TNFAIP8L1: variants seen among roughly 807,000 people sequenced by gnomAD.
TNFAIP8L1 encodes the protein TNF alpha induced protein 8 like 1.
For missense variants in TNFAIP8L1, 225 were observed against 266.1 expected (o/e 0.85, Z 1.08); for synonymous variants, 127 against 125.6 (o/e 1.01, Z -0.08).
Position 4,652,456 on chromosome 19 carries a change from C to T in TNFAIP8L1, c.*26C>T. 2 of 1,483,544 alleles carry T rather than the reference C, an allele frequency of 1.3e-6. No homozygotes were observed. The highest frequency in any genetic ancestry group is 1.8e-6 in the Non-Finnish European group (2 of 1,114,506). 91.9% of individuals were successfully genotyped at this position (1,483,544 alleles called of 1,614,324 possible). A position where few individuals can be genotyped will look rare whatever the true frequency, so the allele number is the denominator to read the frequency against. On this transcript the variant is annotated 3_prime_UTR_variant, in exon 2 of 2. Transcript: ENST00000327473. Reference sequence around the variant, plus strand: ...ACCCCGGCGCCGCCCAACCGCGCCCCTCGCGCCTTTTGGGGCTCTCCTGCT... The same window carrying T: ...ACCCCGGCGCCGCCCAACCGCGCCCTTCGCGCCTTTTGGGGCTCTCCTGCT...
rs1209882631 is a variant in TNFAIP8L1, at chr19:4,641,658, G to A, written c.-4+2029G>A. The A allele has an allele frequency of 6.6e-6, 1 of 152,176 alleles. No homozygotes were observed. The highest frequency in any genetic ancestry group is 2.4e-5 in the African/African-American group (1 of 41,420). 9.4% of individuals were successfully genotyped at this position (152,176 alleles called of 1,614,324 possible). A position where few individuals can be genotyped will look rare whatever the true frequency, so the allele number is the denominator to read the frequency against. On this transcript the variant is annotated intron_variant, in intron 1 of 1. Coordinates refer to ENST00000327473, the MANE Select transcript of TNFAIP8L1 (RefSeq NM_152362.3). This position sits in a 1 kb window ranked among gnomAD's most constrained non-coding sequence, Gnocchi z 4.6. The stretch of plus-strand genomic sequence containing the variant: ...CTTGTGGGGCTGAGATAACTGTGGG[G>A]AGGGAGGGTGCTTTGAGGGGTGGGG...
intron 1 of TNFAIP8L1, among the ~76,000 whole-genome samples, chr19:4,646,424 G>A (rs1023756651): frequency 1.3e-4 from 20 of 151,676 alleles, no homozygotes; most frequent in Non-Finnish European, 2.8e-4. Flanking sequence ...ACCGCACCTG[G>A]CCAATCATTG....
intron 1 of TNFAIP8L1, among the ~76,000 whole-genome samples, chr19:4,646,787 C>T (rs1362044820): frequency 6.6e-6 from 1 of 152,078 alleles, no homozygotes; most frequent in African/African-American, 2.4e-5. Context: ...CCCGCCACCG[C>T]GCCCCGCTAA....
chr19:4,646,800 T>C (rs1234528711), intron 1 of TNFAIP8L1, among the ~76,000 whole-genome samples: 1 of 152,076 alleles, frequency 6.6e-6, no homozygotes, highest in South Asian at 2.1e-4. Flanking sequence ...CCCGCTAATT[T>C]TTTGTATTTT....
At chr19:4,644,037 A>G (rs566487938) in intron 1 of TNFAIP8L1, among the ~76,000 whole-genome samples, 2 of 152,026 alleles carry the variant, frequency 1.3e-5, no homozygotes, top group South Asian at 4.2e-4. Context: ...CCTGACCAAC[A>G]TGGAGAAAAC....
intron 1 of TNFAIP8L1, among the ~76,000 whole-genome samples, chr19:4,644,098 G>A (rs1197132722): frequency 6.6e-6 from 1 of 152,060 alleles, no homozygotes; most frequent in Admixed American, 6.6e-5. Context: ...GCGCATGCCT[G>A]TAATCCCAGC....
Position 4,641,735 on chromosome 19 carries a change from G to C in TNFAIP8L1, c.-4+2106G>C, listed in dbSNP as rs2088263155. The C allele has an allele frequency of 6.6e-6, 1 of 152,220 alleles. No individual in the cohort carries two copies. The highest frequency in any genetic ancestry group is 1.5e-5 in the Non-Finnish European group (1 of 68,058). The allele number at this position is 152,220 out of a possible 1,614,324, so 9.4% of individuals were successfully genotyped here. A position where few individuals can be genotyped will look rare whatever the true frequency, so the allele number is the denominator to read the frequency against. On this transcript the variant is annotated intron_variant, in intron 1 of 1. Transcript: ENST00000327473. This position sits in a 1 kb window ranked among gnomAD's most constrained non-coding sequence, Gnocchi z 4.6. ...CCCGAGGAGGGGATTACAGGACACA[G>C]TACTTCTAGAAGCTTCCTAAGGCTT...
rs910091276 is a variant in TNFAIP8L1, at chr19:4,641,348, C to T, written c.-4+1719C>T. On this transcript the variant is annotated intron_variant, in intron 1 of 1. Coordinates refer to ENST00000327473, the MANE Select transcript of TNFAIP8L1 (RefSeq NM_152362.3). This position sits in a 1 kb window ranked among gnomAD's most constrained non-coding sequence, Gnocchi z 4.6. ...CAGGGGAACACTCCTCCCAGAGAGA[C>T]GTCAACGCTAAAAAATGACTCACAC... 5.9e-5 allele frequency: 9 copies of T among 152,112 alleles called. No homozygotes were observed. Among genetic ancestry groups the T allele is most frequent in the African/African-American group, 2.2e-4 (9 of 41,398 alleles). The allele number at this position is 152,112 out of a possible 1,614,324, so 9.4% of individuals were successfully genotyped here.
intron 1 of TNFAIP8L1, among the ~76,000 whole-genome samples, chr19:4,646,057 A>G (rs1599825365): frequency 1.3e-5 from 2 of 152,130 alleles, no homozygotes; most frequent in East Asian, 1.9e-4. Flanking sequence ...CCTGAACTTC[A>G]TCCCCCACCC....
At chr19:4,647,169 C>T (rs2088319582) in intron 1 of TNFAIP8L1, among the ~76,000 whole-genome samples, 1 of 152,178 alleles carries the variant, frequency 6.6e-6, no homozygotes, top group Non-Finnish European at 1.5e-5. Context: ...CTGGGTCACG[C>T]CGCTGTAAAC....
intron 1 of TNFAIP8L1, among the ~76,000 whole-genome samples, chr19:4,643,027 C>T (rs372236006): frequency 1.3e-5 from 2 of 151,874 alleles, no homozygotes; most frequent in Non-Finnish European, 2.9e-5. Context: ...TCATGTAATC[C>T]CAGCACTTTG....
At chr19:4,648,990 T>C (rs951249909) in intron 1 of TNFAIP8L1, among the ~76,000 whole-genome samples, 2 of 146,082 alleles carry the variant, frequency 1.4e-5, no homozygotes, top group African/African-American at 2.6e-5. Flanking sequence ...AGTCCAGTGG[T>C]GTGATCTCAG....
chr19:4,651,399 C>T (rs1036959016), intron 1 of TNFAIP8L1, among the ~76,000 whole-genome samples: 1 of 151,726 alleles, frequency 6.6e-6, no homozygotes, highest in Non-Finnish European at 1.5e-5. Flanking sequence ...AGGCTGGTCT[C>T]AAACTCCTGG....
chr19:4,645,650 G>T lies in TNFAIP8L1; in HGVS notation c.-4+6021G>T, dbSNP rs1315402593. Among the ~76,000 whole-genome samples the T allele has an allele frequency of 2.0e-5, 3 of 151,382 alleles. No homozygotes were observed. The highest frequency in any genetic ancestry group is 7.3e-5 in the African/African-American group (3 of 41,172). ...ATAAAGTACATTTAAGCCAGGGGTG[G>T]TAGCTCACACCTGTAGTCCCAGCAC... On this transcript the variant is annotated intron_variant, in intron 1 of 1. Transcript: ENST00000327473. The surrounding 1 kb of genome is among the most constrained non-coding windows in gnomAD (Gnocchi z 4.1).
chr19:4,650,466 C>T (rs2088351328), intron 1 of TNFAIP8L1, among the ~76,000 whole-genome samples: 1 of 151,960 alleles, frequency 6.6e-6, no homozygotes, highest in African/African-American at 2.4e-5. Context: ...GGGCTATGCC[C>T]TACTCTGAGA....
intron 1 of TNFAIP8L1, among the ~76,000 whole-genome samples, chr19:4,648,719 C>T (rs8108482): frequency 0.02 from 3,044 of 152,230 alleles, 108 homozygotes; most frequent in African/African-American, 0.07. Context: ...CAAGGCCCAG[C>T]GAGGGGCACA....
rs998726941 is a variant in TNFAIP8L1 at position 4,652,258 on chromosome 19, C to T, written c.389C>T (p.Ala130Val). 2 of 1,560,348 alleles carry T rather than the reference C, an allele frequency of 1.3e-6. No individual in the cohort carries two copies. Among genetic ancestry groups the T allele is most frequent in the Non-Finnish European group, 1.7e-6 (2 of 1,156,436 alleles). ...GAGTGCCGCGACCTGCTGCACCAGG[C>T]CGTGGGTCCCCACCTGACCGCCAAG... ...LLECRDLLHQAVGPHLTAKSH... is the reference protein window; with the variant it reads ...LLECRDLLHQVVGPHLTAKSH... The change falls in exon 2 of 2, where the codon GCC becomes GTC. Residue 130 changes from alanine to valine, a missense_variant. By Grantham distance (64) the Ala-to-Val change is moderately conservative (BLOSUM62 0). Transcript: ENST00000327473.
intron 1 of TNFAIP8L1, chr19:4,640,330 T>A (rs1467706414): frequency 1.3e-5 from 2 of 152,284 alleles, no homozygotes; most frequent in African/African-American, 4.8e-5. Context: ...TTTCTCTGCA[T>A]CCTCACATTT....
chr19:4,652,322 C>G lies in TNFAIP8L1; in HGVS notation c.453C>G (p.Ala151=). The G allele has an allele frequency of 1.3e-6, 2 of 1,557,186 alleles. No individual in the cohort carries two copies. Among genetic ancestry groups the G allele is most frequent in the Non-Finnish European group, 1.7e-6 (2 of 1,153,024 alleles). Residue 151 remains alanine, a synonymous_variant, in exon 2 of 2, where the codon GCC becomes GCG. Coordinates refer to ENST00000327473, the MANE Select transcript of TNFAIP8L1 (RefSeq NM_152362.3). ...GRINHVFGHL[A]DCDFLAALYG... is the part of the protein sequence containing the mutation. ...TCAACCACGTGTTCGGCCACCTAGC[C>G]GACTGCGACTTCCTGGCTGCGCTCT...
Sources: allele counts gnomAD v4.1 joint callset (sites outside exome capture counted in the v4.1 genomes callset), GRCh38; gene constraint gnomAD v4.1.1; non-coding constraint Gnocchi (gnomAD v3.1); transcripts MANE v1.5; gene names NCBI Gene and HGNC (gene_info 2026-07-23, HGNC 2026-07-21).